DCN: variants seen among roughly 807,000 people sequenced by gnomAD.
The protein encoded by DCN is bone proteoglycan II.
In DCN, 17 loss-of-function variants were observed where a neutral mutation model predicts 36.5. That is an observed-to-expected ratio of 0.47 (90% CI 0.32 to 0.70). The LOEUF (loss-of-function observed/expected upper bound fraction) is 0.70, where lower values mean the gene tolerates loss of function less well. DCN is among the 30% of genes least tolerant of loss of function. The probability of loss-of-function intolerance (pLI) is 0.04; values close to 1 mark genes in which losing one functional copy is unlikely to be tolerated. For synonymous variants in DCN, 163 were observed against 161.4 expected (o/e 1.01, Z -0.07); for missense variants, 389 against 430.1 (o/e 0.90, Z 0.84).
intron 3 of DCN, among the ~76,000 whole-genome samples, chr12:91,163,040 C>T (rs1177037899): frequency 6.6e-6 from 1 of 152,178 alleles, no homozygotes; most frequent in Non-Finnish European, 1.5e-5. Flanking sequence ...TGGAAGTAGA[C>T]ACAGTGAGAT....
At chr12:91,149,918 A>C (rs904135519) in intron 7 of DCN, among the ~76,000 whole-genome samples, 1 of 152,220 alleles carries the variant, frequency 6.6e-6, no homozygotes, top group Non-Finnish European at 1.5e-5. Context: ...AGAAAAAGAA[A>C]AGAAGATATA....
chr12:91,151,904 C>T (rs1881457210), intron 6 of DCN, 112 bp from the exon 7 acceptor site: 1 of 1,221,590 alleles, frequency 8.2e-7, no homozygotes. Context: ...TTTGCACTTA[C>T]TCTTCCCAGT....
Position 91,142,348 on chromosome 12 carries a change from T to C in DCN, c.*3710A>G, listed in dbSNP as rs912134350. 16 of 152,176 alleles carry C rather than the reference T, an allele frequency of 1.1e-4. No individual in the cohort carries two copies. Among genetic ancestry groups the C allele is most frequent in the Non-Finnish European group, 1.5e-5 (1 of 68,028 alleles). The allele number at this position is 152,176 out of a possible 1,614,324, so 9.4% of individuals were successfully genotyped here. On this transcript the variant is annotated 3_prime_UTR_variant, in exon 8 of 8. Transcript: ENST00000052754. Reference sequence around the variant, plus strand: ...ACATTGGATGAATGAGAAATGACTGTATAAAACATTTTTAGTTTACTTGAG... The same window carrying C: ...ACATTGGATGAATGAGAAATGACTGCATAAAACATTTTTAGTTTACTTGAG...
At chr12:91,148,384 C>A (rs534363077) in intron 7 of DCN, among the ~76,000 whole-genome samples, 1 of 152,114 alleles carries the variant, frequency 6.6e-6, no homozygotes, top group South Asian at 2.1e-4. Context: ...CCAACAAGAT[C>A]TTAAGTGAGC....
rs1325744136 is a variant in DCN at position 91,144,094 on chromosome 12, T to C, written c.*1964A>G. The C allele has an allele frequency of 6.6e-6, 1 of 152,122 alleles. No homozygotes were observed. Among genetic ancestry groups the C allele is most frequent in the Non-Finnish European group, 1.5e-5 (1 of 68,018 alleles). 9.4% of individuals were successfully genotyped at this position (152,122 alleles called of 1,614,324 possible). On this transcript the variant is annotated 3_prime_UTR_variant, in exon 8 of 8. Transcript: ENST00000052754. Reference sequence around the variant, plus strand: ...CACTTGTCAGTTAAGCAGCAGGATATCTGCAGGCTTTTCCCCATAAGAGAA... The same window carrying C: ...CACTTGTCAGTTAAGCAGCAGGATACCTGCAGGCTTTTCCCCATAAGAGAA...
intron 2 of DCN, among the ~76,000 whole-genome samples, chr12:91,170,625 T>G (rs1025468154): frequency 6.6e-6 from 1 of 152,218 alleles, no homozygotes; most frequent in Non-Finnish European, 1.5e-5. Context: ...TGCTACACTC[T>G]TTTGCAAATC....
intron 1 of DCN, 146 bp from the exon 2 acceptor site, chr12:91,178,731 G>A (rs541365707): frequency 1.5e-6 from 1 of 654,308 alleles, no homozygotes; most frequent in East Asian, 2.7e-5. Context: ...CATTAAAAAT[G>A]TATTGAAAGA....
rs1483760813 is a variant in DCN at position 91,141,721 on chromosome 12, T to C, written c.*4337A>G. 2.0e-5 allele frequency: 3 copies of C among 152,150 alleles called. No individual in the cohort carries two copies. The highest frequency in any genetic ancestry group is 4.8e-5 in the African/African-American group (2 of 41,424). The allele number at this position is 152,150 out of a possible 1,614,324, so 9.4% of individuals were successfully genotyped here. A position where few individuals can be genotyped will look rare whatever the true frequency, so the allele number is the denominator to read the frequency against. Reference sequence around the variant, plus strand: ...TTTTTGAGTGTATTTTAAAATTGATTTGTGTTTCTATGCTTGTTCCTGATG... The same window carrying C: ...TTTTTGAGTGTATTTTAAAATTGATCTGTGTTTCTATGCTTGTTCCTGATG... On this transcript the variant is annotated 3_prime_UTR_variant, in exon 8 of 8. Transcript: ENST00000052754.
At chr12:91,150,624 T>A (rs1308148797) in intron 7 of DCN, among the ~76,000 whole-genome samples, 1 of 151,878 alleles carries the variant, frequency 6.6e-6, no homozygotes, top group Non-Finnish European at 1.5e-5. Flanking sequence ...GAAATAGGAG[T>A]GCTTTTACAT....
intron 3 of DCN, among the ~76,000 whole-genome samples, chr12:91,162,658 A>G (rs1522407): frequency 0.011 from 1,628 of 152,188 alleles, 21 homozygotes; most frequent in Non-Finnish European, 0.012. Context: ...GAAGCTGTGA[A>G]CTCTAATCTC....
chr12:91,142,208 A>G lies in DCN; in HGVS notation c.*3850T>C, dbSNP rs1880774971. Reference sequence around the variant, plus strand: ...CAAAATCAAGAGTGAAATAACTGCAATGTCGACTCAGCAACCTCGAATGTC... The same window carrying G: ...CAAAATCAAGAGTGAAATAACTGCAGTGTCGACTCAGCAACCTCGAATGTC... On this transcript the variant is annotated 3_prime_UTR_variant, in exon 8 of 8. Transcript: ENST00000052754. 2.6e-5 allele frequency: 4 copies of G among 152,198 alleles called. No individual in the cohort carries two copies. Among genetic ancestry groups the G allele is most frequent in the African/African-American group, 7.2e-5 (3 of 41,454 alleles). 9.4% of individuals were successfully genotyped at this position (152,198 alleles called of 1,614,324 possible). A position where few individuals can be genotyped will look rare whatever the true frequency, so the allele number is the denominator to read the frequency against.
At chr12:91,176,964 CA>C (rs1428033276) in intron 2 of DCN, 5 of 152,174 alleles carry the variant, frequency 3.3e-5, no homozygotes, top group Non-Finnish European at 7.3e-5. Flanking sequence ...AAGAGTAATC[CA>C]ATCTCCCCTG....
At chr12:91,172,590 A>T (rs1355886847) in intron 2 of DCN, 4 of 473,970 alleles carry the variant, frequency 8.4e-6, no homozygotes, top group Non-Finnish European at 1.5e-5. Context: ...AGGAATTTCT[A>T]AGCTTCCTGG....
chr12:91,148,211 C>T (rs1881159604), intron 7 of DCN, among the ~76,000 whole-genome samples: 1 of 151,658 alleles, frequency 6.6e-6, no homozygotes, highest in Non-Finnish European at 1.5e-5. Flanking sequence ...GTAGCTGGGA[C>T]TACAGGCGCC....
intron 7 of DCN, chr12:91,150,888 A>G (rs546686229): frequency 5.5e-4 from 84 of 152,414 alleles, no homozygotes; most frequent in African/African-American, 1.8e-3. Flanking sequence ...TGTGGTACAT[A>G]TACACCGTGG....
intron 7 of DCN, 74 bp from the exon 8 acceptor site, chr12:91,146,326 T>A (rs3138288): frequency 0.017 from 13,709 of 806,206 alleles, 157 homozygotes; most frequent in Middle Eastern, 0.022. Context: ...ACATTTTATT[T>A]TTTTTATTAT....
chr12:91,154,192 T>C (rs1369630252), intron 5 of DCN, among the ~76,000 whole-genome samples: 2 of 152,144 alleles, frequency 1.3e-5, no homozygotes, highest in Non-Finnish European at 2.9e-5. Flanking sequence ...TTTAATAAAA[T>C]AGTTTAGTCC....
intron 2 of DCN, among the ~76,000 whole-genome samples, chr12:91,171,583 C>T (rs1009297167): frequency 1.5e-4 from 23 of 152,212 alleles, no homozygotes; most frequent in Admixed American, 1.2e-3. Flanking sequence ...AGCTGCTACC[C>T]AATTCTGGGA....
intron 2 of DCN, among the ~76,000 whole-genome samples, chr12:91,166,733 G>A (rs1354915869): frequency 1.3e-5 from 2 of 152,018 alleles, no homozygotes; most frequent in Non-Finnish European, 2.9e-5. Flanking sequence ...ATAACACTAG[G>A]AACTACTTAA....
Sources: gnomAD v4.1 joint callset for allele counts (sites outside exome capture counted in the v4.1 genomes callset) on GRCh38, gnomAD v4.1.1 for gene constraint, MANE v1.5 for transcripts, NCBI Gene and HGNC (gene_info 2026-07-23, HGNC 2026-07-21) for gene names.